The following ROBO1 variants were observed in gnomAD, a reference collection of about 807,000 sequenced individuals.
The protein encoded by ROBO1 is roundabout guidance receptor 1, also known as roundabout homolog 1.
In ROBO1, 149 loss-of-function variants were observed where a neutral mutation model predicts 195.9. The ratio of observed to expected loss-of-function variants is 0.76; its 90% CI spans 0.67 to 0.87. The LOEUF is 0.87. ROBO1 is among the 40% of genes least tolerant of loss of function. The pLI is 0.00. For missense variants in ROBO1, 1,933 were observed against 2,068.3 expected, an observed-to-expected ratio of 0.93 and a Z score of 1.27; for synonymous variants, 816 against 733.2, an observed-to-expected ratio of 1.11 and a Z score of -1.82.
intron 2 of ROBO1, among the ~76,000 whole-genome samples, chr3:79,129,429 C>T (rs1352483565): frequency 5.9e-5 from 9 of 151,868 alleles, no homozygotes; most frequent in Admixed American, 5.3e-4. Context: ...TAATTACATA[C>T]ATACATATAT....
chr3:78,878,897 T>C (rs1231409928), intron 4 of ROBO1, among the ~76,000 whole-genome samples: 2 of 152,096 alleles, frequency 1.3e-5, no homozygotes, highest in Non-Finnish European at 2.9e-5. Flanking sequence ...AATAAACAAA[T>C]AAATAAATAA....
In ROBO1 at chr3:79,636,382, C is replaced by T. The variant is rs190258475; in HGVS notation, c.-50-46421G>A. On this transcript the variant is annotated intron_variant, in intron 1 of 30. Transcript: ENST00000464233. ...GAAATTATGGTGAAGCTGGAAAAAA[C>T]TTGCATTGACATCATTTTTAACAAG... Among the ~76,000 whole-genome samples, 274 of 152,192 alleles carry T rather than the reference C, an allele frequency of 1.8e-3. No homozygotes were observed. The Middle Eastern group carries it at 0.02, about 11-fold the overall frequency.
At chr3:79,092,425 C>T (rs1020927047) in intron 3 of ROBO1, among the ~76,000 whole-genome samples, 1 of 152,026 alleles carries the variant, frequency 6.6e-6, no homozygotes, top group African/African-American at 2.4e-5. Flanking sequence ...ATATACTGGT[C>T]TGTGTTTAAG....
At chr3:78,936,584 G>A (rs1261656648) in intron 4 of ROBO1, among the ~76,000 whole-genome samples, 1 of 151,858 alleles carries the variant, frequency 6.6e-6, no homozygotes, top group Non-Finnish European at 1.5e-5. Context: ...TTTCCCTTGC[G>A]ATTATCCCCT....
At chr3:79,197,925 T>C (rs1311906363) in intron 2 of ROBO1, among the ~76,000 whole-genome samples, 1 of 151,976 alleles carries the variant, frequency 6.6e-6, no homozygotes, top group African/African-American at 2.4e-5. Context: ...ACTTTGTAGA[T>C]TCTGGATATT....
intron 29 of ROBO1, among the ~76,000 whole-genome samples, chr3:78,601,929 A>G (rs1033318190): frequency 6.6e-6 from 1 of 152,024 alleles, no homozygotes; most frequent in Non-Finnish European, 1.5e-5. Context: ...AGCACCACAG[A>G]TATGCTGATG....
chr3:78,903,045 C>A (rs911714025), intron 4 of ROBO1, among the ~76,000 whole-genome samples: 3 of 151,992 alleles, frequency 2.0e-5, no homozygotes, highest in African/African-American at 7.2e-5. Flanking sequence ...GTTTTGAAAA[C>A]TACTCTCATA....
intron 1 of ROBO1, among the ~76,000 whole-genome samples, chr3:79,750,331 C>G (rs1470353624): frequency 1.3e-5 from 2 of 152,164 alleles, no homozygotes; most frequent in East Asian, 1.9e-4. Context: ...GCAAAAGGGA[C>G]TTGCCTTGTC....
intron 2 of ROBO1, among the ~76,000 whole-genome samples, chr3:79,328,028 C>T (rs1042806711): frequency 1.3e-5 from 2 of 152,070 alleles, no homozygotes; most frequent in Admixed American, 6.6e-5. Flanking sequence ...GAGCTATTAA[C>T]CAAGTATATT....
At position 78,660,723 on chromosome 3, in the gene ROBO1, C is replaced by G. The variant is rs138799580; in HGVS notation, c.2320+307G>C. 7 of 214,146 alleles carry G rather than the reference C, an allele frequency of 3.3e-5. No homozygotes were observed. In the East Asian group the frequency reaches 7.4e-4, roughly 23 times the overall value. 13.3% of individuals were successfully genotyped at this position (214,146 alleles called of 1,614,324 possible). On this transcript the variant is annotated intron_variant, in intron 16 of 30. Coordinates refer to ENST00000464233, the MANE Select transcript of ROBO1 (RefSeq NM_002941.4). ...AATGCTGAATGGAAAATAAACCAAA[C>G]GGAAAACAATTTCATTTTTAAATGT...
chr3:78,865,683 G>A (rs2035130708), intron 4 of ROBO1, among the ~76,000 whole-genome samples: 1 of 151,980 alleles, frequency 6.6e-6, no homozygotes, highest in Non-Finnish European at 1.5e-5. Flanking sequence ...GTGTTAGCCA[G>A]GATGGTCTTG....
intron 2 of ROBO1, among the ~76,000 whole-genome samples, chr3:79,480,759 T>C (rs1307506500): frequency 6.6e-6 from 1 of 152,180 alleles, no homozygotes; most frequent in Non-Finnish European, 1.5e-5. Flanking sequence ...GTTTAGTTTA[T>C]GTGTGGGGAT....
chr3:79,760,246 A>AAAAAAAAAAAAAAAAAAAAAAAC, intron 1 of ROBO1, among the ~76,000 whole-genome samples: 1 of 141,642 alleles, frequency 7.1e-6, no homozygotes, highest in Non-Finnish European at 1.5e-5. Context: ...CAAAAAAAAA[A>AAAAAAAAAAAAAAAAAAAAAAAC]AAAAAAAAAA....
At chr3:79,452,382 C>T (rs2107204326) in intron 2 of ROBO1, among the ~76,000 whole-genome samples, 1 of 152,180 alleles carries the variant, frequency 6.6e-6, no homozygotes, top group Admixed American at 6.6e-5. Flanking sequence ...TGAGAGAGGC[C>T]TTCTCTTATC....
At chr3:78,983,651 CAA>C (rs1019171779) in intron 3 of ROBO1, among the ~76,000 whole-genome samples, 4 of 152,156 alleles carry the variant, frequency 2.6e-5, no homozygotes, top group Non-Finnish European at 4.4e-5. Flanking sequence ...CAGAAAATTA[CAA>C]AAAAGTTAAG....
chr3:79,608,902 G>C (rs1348249504), intron 1 of ROBO1, among the ~76,000 whole-genome samples: 1 of 151,858 alleles, frequency 6.6e-6, no homozygotes, highest in African/African-American at 2.4e-5. Context: ...ATATTCATTT[G>C]AGAGCTATGA....
chr3:79,513,712 A>G (rs1039390892), intron 2 of ROBO1, among the ~76,000 whole-genome samples: 20 of 11,160 alleles, frequency 1.8e-3, no homozygotes, highest in African/African-American at 0.013. Context: ...TTGCCATGGA[A>G]AAAAAAAAAT....
chr3:79,049,114 AT>A (rs1381987651), intron 3 of ROBO1, among the ~76,000 whole-genome samples: 4 of 152,140 alleles, frequency 2.6e-5, no homozygotes, highest in Non-Finnish European at 4.4e-5. Context: ...CTAAAGGAGC[AT>A]GTTCTAACCC....
chr3:79,077,058 G>A (rs114890317), intron 3 of ROBO1, among the ~76,000 whole-genome samples: 4,848 of 151,922 alleles, frequency 0.032, 101 homozygotes, highest in Middle Eastern at 0.071. Flanking sequence ...CTTGGTATAT[G>A]TATTCATTGT....
Sources: allele counts gnomAD v4.1 joint callset (sites outside exome capture counted in the v4.1 genomes callset), GRCh38; gene constraint gnomAD v4.1.1; transcripts MANE v1.5; gene names NCBI Gene and HGNC (gene_info 2026-07-23, HGNC 2026-07-21).